Variants in ROR2 observed in about 807,000 individuals in gnomAD.
ROR2 encodes the protein tyrosine-protein kinase transmembrane receptor ROR2.
ROR2 carries 33 observed loss-of-function variants against 74.9 expected under a neutral mutation model. The observed-to-expected ratio is 0.44, with a 90% CI of 0.33 to 0.59. The LOEUF is 0.59. Among genes scored for constraint, ROR2 ranks in the 20% least tolerant of loss-of-function variants. The pLI is 0.02. For synonymous variants in ROR2, 586 were observed against 558.7 expected, an observed-to-expected ratio of 1.05 and a Z score of -0.69; for missense variants, 1,216 against 1,313.8, an observed-to-expected ratio of 0.93 and a Z score of 1.15.
At chr9:91,896,224 C>T (rs1400992940) in intron 1 of ROR2, among the ~76,000 whole-genome samples, 2 of 152,204 alleles carry the variant, frequency 1.3e-5, no homozygotes, top group Non-Finnish European at 2.9e-5. Flanking sequence ...TAGACCATCT[C>T]TCCTTAGACT....
chr9:91,790,345 A>C (rs1301060351), intron 1 of ROR2, among the ~76,000 whole-genome samples: 5 of 151,966 alleles, frequency 3.3e-5, no homozygotes, highest in African/African-American at 1.2e-4. Flanking sequence ...TACTGAAAAA[A>C]AAAAAAATAC....
intron 1 of ROR2, among the ~76,000 whole-genome samples, chr9:91,802,759 G>A (rs1344738262): frequency 1.3e-5 from 2 of 152,278 alleles, no homozygotes; most frequent in East Asian, 3.9e-4. Flanking sequence ...AAGAACGTGA[G>A]AGGTTTTCCT....
At chr9:91,752,661 A>G (rs1825628112) in intron 4 of ROR2, among the ~76,000 whole-genome samples, 1 of 152,198 alleles carries the variant, frequency 6.6e-6, no homozygotes, top group Non-Finnish European at 1.5e-5. Flanking sequence ...GATTGCAGAG[A>G]TTTATGCATT....
intron 2 of ROR2, among the ~76,000 whole-genome samples, chr9:91,762,926 A>T (rs1172444917): frequency 2.6e-5 from 4 of 152,228 alleles, no homozygotes; most frequent in Non-Finnish European, 1.5e-5. Flanking sequence ...CATATACAAG[A>T]GTCTCTCAAA....
intron 1 of ROR2, among the ~76,000 whole-genome samples, chr9:91,837,156 G>A (rs1391482304): frequency 6.6e-6 from 1 of 151,070 alleles, no homozygotes; most frequent in South Asian, 2.1e-4. Flanking sequence ...TTTTTTTGTT[G>A]TTGTTGTTGT....
intron 8 of ROR2, 134 bp from the exon 9 acceptor site, chr9:91,725,241 G>T (rs1319438369): frequency 6.0e-6 from 9 of 1,498,010 alleles, no homozygotes; most frequent in Non-Finnish European, 8.3e-6. Context: ...CGCTGGTTTT[G>T]CCCACCCAGC....
intron 1 of ROR2, among the ~76,000 whole-genome samples, chr9:91,932,978 G>A (rs899805420): frequency 2.0e-5 from 3 of 152,132 alleles, no homozygotes; most frequent in Non-Finnish European, 4.4e-5. Context: ...CACCTTCTGG[G>A]AAAACAACTT....
At chr9:91,790,948 T>A (rs1013836144) in intron 1 of ROR2, among the ~76,000 whole-genome samples, 1 of 152,212 alleles carries the variant, frequency 6.6e-6, no homozygotes, top group Non-Finnish European at 1.5e-5. Context: ...GCTTTAAGTG[T>A]TTTTACAACA....
At chr9:91,837,632 C>G (rs1330221725) in intron 1 of ROR2, among the ~76,000 whole-genome samples, 1 of 152,176 alleles carries the variant, frequency 6.6e-6, no homozygotes, top group Non-Finnish European at 1.5e-5. Flanking sequence ...CAGTTATTCT[C>G]AAAGCCATCT....
At chr9:91,946,842 G>T (rs1832026131) in intron 1 of ROR2, among the ~76,000 whole-genome samples, 1 of 152,166 alleles carries the variant, frequency 6.6e-6, no homozygotes, top group Non-Finnish European at 1.5e-5. Flanking sequence ...TTCTAAAGGG[G>T]ATTAATCTTC....
chr9:91,839,177 G>T (rs1374307635), intron 1 of ROR2, among the ~76,000 whole-genome samples: 1 of 152,054 alleles, frequency 6.6e-6, no homozygotes, highest in Non-Finnish European at 1.5e-5. Context: ...GCAGCAGGAG[G>T]CTGGGTGTAT....
In ROR2 at chr9:91,724,845, C is replaced by T. The variant is rs1271293937; in HGVS notation, c.1649G>A (p.Ser550Asn). Residue 550 changes from serine to asparagine, a missense_variant, in exon 9 of 9, where the codon AGC becomes AAC. By Grantham distance (46) the Ser-to-Asn change is conservative. Coordinates refer to ENST00000375708, the MANE Select transcript of ROR2 (RefSeq NM_004560.4). Reference sequence around the variant, plus strand: ...GTGCGAACAGTAGCTGAAGATCATGCTCAGGGGCTGGTCCTTGGTCACCAC... The same window carrying T: ...GTGCGAACAGTAGCTGAAGATCATGTTCAGGGGCTGGTCCTTGGTCACCAC... ...LGVVTKDQPLSMIFSYCSHGD... is the reference protein window; with the variant it reads ...LGVVTKDQPLNMIFSYCSHGD... 1.9e-6 allele frequency: 3 copies of T among 1,603,372 alleles called. No homozygotes were observed. The highest frequency in any genetic ancestry group is 1.1e-5 in the South Asian group (1 of 89,390).
intron 4 of ROR2, among the ~76,000 whole-genome samples, chr9:91,749,568 T>C (rs1466302416): frequency 6.6e-6 from 1 of 152,224 alleles, no homozygotes. Flanking sequence ...GAGGAGGGTA[T>C]GTTTCCCTAT....
intron 4 of ROR2, among the ~76,000 whole-genome samples, chr9:91,744,958 T>C (rs1587678434): frequency 6.6e-6 from 1 of 152,134 alleles, no homozygotes; most frequent in South Asian, 2.1e-4. Flanking sequence ...CTGTGCATAA[T>C]ATGGTGTAAG....
chr9:91,928,967 C>G (rs1350103047), intron 1 of ROR2, among the ~76,000 whole-genome samples: 2 of 152,238 alleles, frequency 1.3e-5, no homozygotes, highest in African/African-American at 4.8e-5. Flanking sequence ...GAAAGACTGG[C>G]AAGAAAACCA....
intron 4 of ROR2, among the ~76,000 whole-genome samples, chr9:91,745,981 T>C (rs1171552277): frequency 1.3e-5 from 2 of 152,148 alleles, no homozygotes; most frequent in African/African-American, 2.4e-5. Context: ...CTTGATTAGG[T>C]TGGTGGTCTG....
At chr9:91,734,881 T>C (rs1424805714) in intron 5 of ROR2, among the ~76,000 whole-genome samples, 1 of 152,156 alleles carries the variant, frequency 6.6e-6, no homozygotes, top group Non-Finnish European at 1.5e-5. Flanking sequence ...TGGGTTCCTG[T>C]GGCCGATATT....
At chr9:91,755,952 C>G in intron 4 of ROR2, 119 bp downstream of exon 4, 1 of 1,079,664 alleles carries the variant, frequency 9.3e-7, no homozygotes, top group Non-Finnish European at 1.4e-6. Flanking sequence ...TGTGTGAAGC[C>G]CAGCCAACTT....
At chr9:91,817,756 T>C (rs929996264) in intron 1 of ROR2, among the ~76,000 whole-genome samples, 1 of 151,922 alleles carries the variant, frequency 6.6e-6, no homozygotes, top group Admixed American at 6.6e-5. Flanking sequence ...AAGTCAAGGC[T>C]GGGTTTAACG....
Sources: allele counts gnomAD v4.1 joint callset (sites outside exome capture counted in the v4.1 genomes callset), GRCh38; gene constraint gnomAD v4.1.1; transcripts MANE v1.5; gene names NCBI Gene and HGNC (gene_info 2026-07-23, HGNC 2026-07-21).